The following ANKRD45 variants were observed in gnomAD, a reference collection of about 807,000 sequenced individuals.
ANKRD45 encodes the protein ankyrin repeat domain 45.
A neutral mutation model predicts 28.1 loss-of-function variants in ANKRD45; 21 were observed. The observed-to-expected ratio is 0.75, with a 90% CI of 0.53 to 1.08. The LOEUF is 1.08. Among genes scored for constraint, ANKRD45 ranks in the 50% least tolerant of loss-of-function variants. ANKRD45 has a pLI of 0.00. For missense variants in ANKRD45, 261 were observed against 308.7 expected (o/e 0.85, Z 1.16); for synonymous variants, 86 against 103.9 (o/e 0.83, Z 1.05).
the ANKRD45 span, among the ~76,000 whole-genome samples, chr1:173,694,535 TTATTA>T: frequency 2.1e-4 from 1 of 4,770 alleles, no homozygotes; most frequent in South Asian, 6.4e-3. Context: ...CTTAAGAAGT[TTATTA>T]TTATTATTAT....
chr1:173,615,383 C>CAAATAA (rs1667418589), intron 5 of ANKRD45, among the ~76,000 whole-genome samples: 1 of 87,660 alleles, frequency 1.1e-5, no homozygotes, highest in Non-Finnish European at 2.3e-5. Flanking sequence ...GACTCCGTCT[C>CAAATAA]AAAAAAAAAA....
At chr1:173,696,218 A>C in the ANKRD45 span, among the ~76,000 whole-genome samples, 1 of 152,160 alleles carries the variant, frequency 6.6e-6, no homozygotes, top group South Asian at 2.1e-4. Context: ...TGTATTTCTC[A>C]GACTGGCTGA....
intron 5 of ANKRD45, among the ~76,000 whole-genome samples, chr1:173,622,780 T>C (rs1189491550): frequency 7.2e-5 from 11 of 152,002 alleles, no homozygotes; most frequent in Admixed American, 6.6e-4. Context: ...CCAAAAGCAA[T>C]TGCAACAAAA....
chr1:173,708,109 GTA>G, the ANKRD45 span, among the ~76,000 whole-genome samples: 2 of 152,156 alleles, frequency 1.3e-5, no homozygotes, highest in African/African-American at 2.4e-5. Flanking sequence ...TATTTTTAGA[GTA>G]AGAGTATTTC....
chr1:173,699,964 T>G, the ANKRD45 span, among the ~76,000 whole-genome samples: 1,075 of 152,318 alleles, frequency 7.1e-3, 9 homozygotes, highest in African/African-American at 0.025. Flanking sequence ...ATAAGCAACT[T>G]CAGCAAAGTC....
intron 5 of ANKRD45, among the ~76,000 whole-genome samples, chr1:173,612,319 A>AAG (rs1667197555): frequency 3.2e-4 from 42 of 130,324 alleles, no homozygotes; most frequent in Admixed American, 3.1e-3. Flanking sequence ...AAGGAAGGAA[A>AAG]GAAGGAAGGA....
chr1:173,711,827 C>A, the ANKRD45 span, among the ~76,000 whole-genome samples: 6 of 152,174 alleles, frequency 3.9e-5, no homozygotes, highest in Non-Finnish European at 7.3e-5. Context: ...TTGATTCACA[C>A]TGAACTTCTC....
rs925710296 is a variant in ANKRD45, at chr1:173,609,107, T to C, written c.*1038A>G. On this transcript the variant is annotated 3_prime_UTR_variant, in exon 6 of 6. Coordinates refer to ENST00000333279, the MANE Select transcript of ANKRD45 (RefSeq NM_198493.3). ...GGCTGAAAGTTATTGCAGTGTTCTT[T>C]TGCTTTAAAAAATTGAAACTGAATT... Among the ~76,000 whole-genome samples, 2 of 152,142 alleles carry C rather than the reference T, an allele frequency of 1.3e-5. No homozygotes were observed. Among genetic ancestry groups the C allele is most frequent in the African/African-American group, 4.8e-5 (2 of 41,440 alleles).
At chr1:173,624,757 C>T in intron 5 of ANKRD45, 30 bp downstream of exon 5, 1 of 1,595,406 alleles carries the variant, frequency 6.3e-7, no homozygotes, top group African/African-American at 1.3e-5. Flanking sequence ...TCCCTTCTGA[C>T]ATTCAAACCA....
At chr1:173,638,547 G>A (rs1558130225) in intron 3 of ANKRD45, among the ~76,000 whole-genome samples, 1 of 151,680 alleles carries the variant, frequency 6.6e-6, no homozygotes, top group Non-Finnish European at 1.5e-5. Context: ...CAGGGAAAGG[G>A]CCTATCCCAG....
chr1:173,666,733 A>G (rs1439567158), intron 1 of ANKRD45, among the ~76,000 whole-genome samples: 2 of 151,996 alleles, frequency 1.3e-5, no homozygotes, highest in Non-Finnish European at 2.9e-5. Flanking sequence ...TCTCTGAAGA[A>G]CTCTAACACA....
chr1:173,708,962 C>G, the ANKRD45 span, among the ~76,000 whole-genome samples: 2 of 152,196 alleles, frequency 1.3e-5, no homozygotes, highest in Non-Finnish European at 2.9e-5. Context: ...ATCAAGAAAA[C>G]TAGGAAAATG....
rs1667071412 is a variant in ANKRD45, at chr1:173,609,962, G to T, written c.*183C>A. Reference sequence around the variant, plus strand: ...AACTCACATGGGGCTGTGCTTGGAGGAGCAGAGGCGAGGCCAGAGTCCGGA... The same window carrying T: ...AACTCACATGGGGCTGTGCTTGGAGTAGCAGAGGCGAGGCCAGAGTCCGGA... On this transcript the variant is annotated 3_prime_UTR_variant, in exon 6 of 6. Transcript: ENST00000333279. 4 of 614,058 alleles carry T rather than the reference G, an allele frequency of 6.5e-6. No individual in the cohort carries two copies. The highest frequency in any genetic ancestry group is 1.1e-5 in the Non-Finnish European group (4 of 349,028). The allele number at this position is 614,058 out of a possible 1,614,324, so 38.0% of individuals were successfully genotyped here.
chr1:173,714,707 AAAG>A, the ANKRD45 span, among the ~76,000 whole-genome samples: 1 of 152,222 alleles, frequency 6.6e-6, no homozygotes, highest in Non-Finnish European at 1.5e-5. Flanking sequence ...TGGCGAAAAC[AAAG>A]AAGAAAAGAG....
At chr1:173,682,684 TACACACACACACACAC>T in the ANKRD45 span, among the ~76,000 whole-genome samples, 11 of 143,940 alleles carry the variant, frequency 7.6e-5, no homozygotes, top group South Asian at 4.4e-4. Context: ...GCCTTTTAAA[TACACACACACACACAC>T]ACACACACAC....
chr1:173,641,024 G>C (rs1668678304), intron 3 of ANKRD45, among the ~76,000 whole-genome samples: 1 of 152,050 alleles, frequency 6.6e-6, no homozygotes, highest in African/African-American at 2.4e-5. Context: ...GACCCCCTAG[G>C]CATTTTTGAG....
intron 2 of ANKRD45, among the ~76,000 whole-genome samples, chr1:173,652,801 A>G (rs570188795): frequency 1.3e-5 from 2 of 152,158 alleles, no homozygotes; most frequent in Non-Finnish European, 2.9e-5. Flanking sequence ...TCAGCAGTTC[A>G]ACTTCTTCCT....
the ANKRD45 span, among the ~76,000 whole-genome samples, chr1:173,682,011 C>A: frequency 6.6e-6 from 1 of 150,606 alleles, no homozygotes; most frequent in African/African-American, 2.5e-5. Context: ...GATCGTACCA[C>A]TGCACTCCAG....
the ANKRD45 span, among the ~76,000 whole-genome samples, chr1:173,680,548 A>C: frequency 6.6e-6 from 1 of 151,602 alleles, no homozygotes; most frequent in Non-Finnish European, 1.5e-5. Context: ...TGGGGGTGAC[A>C]GGTTGATGGG....
Sources: gnomAD v4.1 joint callset for allele counts (sites outside exome capture counted in the v4.1 genomes callset) on GRCh38, gnomAD v4.1.1 for gene constraint, MANE v1.5 for transcripts, NCBI Gene and HGNC (gene_info 2026-07-23, HGNC 2026-07-21) for gene names.